The following ENPP2 variants were observed in gnomAD, a reference collection of about 807,000 sequenced individuals.
ENPP2 encodes the protein autotaxin.
In ENPP2, 51 loss-of-function variants were observed where a neutral mutation model predicts 120.2. The observed-to-expected ratio is 0.42, with a 90% CI of 0.34 to 0.54. The LOEUF is 0.54. ENPP2 is among the 20% of genes least tolerant of loss of function. The probability of loss-of-function intolerance (pLI) is 0.04; values close to 1 mark genes in which losing one functional copy is unlikely to be tolerated. For synonymous variants in ENPP2, 365 were observed against 366.4 expected (o/e 1.00, Z 0.04); for missense variants, 920 against 1,066.5 (o/e 0.86, Z 1.91).
At chr8:119,583,258 C>T (rs540119729) in intron 17 of ENPP2, among the ~76,000 whole-genome samples, 1 of 152,266 alleles carries the variant, frequency 6.6e-6, no homozygotes, top group African/African-American at 2.4e-5. Flanking sequence ...ACTGGCACTC[C>T]CTTACTAAAT....
At chr8:119,644,621 T>TACAC (rs1385686458) in intron 1 of ENPP2, among the ~76,000 whole-genome samples, 67 of 104,496 alleles carry the variant, frequency 6.4e-4, no homozygotes, top group Middle Eastern at 5.0e-3. Flanking sequence ...TATATATATA[T>TACAC]ATATACACAC....
rs979784466 is a variant in ENPP2 at position 119,557,410 on chromosome 8, C to T, written c.*111G>A. 3 of 866,258 alleles carry T rather than the reference C, an allele frequency of 3.5e-6. No individual in the cohort carries two copies. In the African/African-American group the frequency reaches 5.2e-5, roughly 15 times the overall value. 53.7% of individuals were successfully genotyped at this position (866,258 alleles called of 1,614,324 possible). A position where few individuals can be genotyped will look rare whatever the true frequency, so the allele number is the denominator to read the frequency against. On this transcript the variant is annotated 3_prime_UTR_variant, in exon 25 of 25. Coordinates refer to ENST00000075322, the MANE Select transcript of ENPP2 (RefSeq NM_001040092.3). ...CAGGCATAATATGTCAGATTTGGTA[C>T]AGGATTAAAATACTAACATTTTTAA...
In ENPP2 at chr8:119,617,229, G is replaced by A; in HGVS notation, c.592C>T (p.His198Tyr). The A allele has an allele frequency of 6.2e-7, 1 of 1,612,988 alleles. No homozygotes were observed. The highest frequency in any genetic ancestry group is 8.5e-7 in the Non-Finnish European group (1 of 1,178,970). ...NIEKLRSCGTHSPYMRPVYPT... is the reference protein window; with the variant it reads ...NIEKLRSCGTYSPYMRPVYPT... ...TACACCGGCCTCATGTAGGGAGAGT[G>A]TGTGCCACAAGACCCTGGAAAGAGA... The change falls in exon 7 of 25, where the codon CAC (histidine) becomes TAC (tyrosine). Residue 198 changes from histidine to tyrosine, a missense_variant. His to Tyr is a moderately conservative substitution (Grantham distance 83). Transcript: ENST00000075322.
rs376155180 is a variant in ENPP2 at position 119,618,065 on chromosome 8, T to C, written c.480-502A>G. ...AAAATACTCTGTCAGTCATTCATTA[T>C]CTGAATTCTTGTGTATGAGATCTGT... is the stretch of plus-strand genomic sequence containing the variant. On this transcript the variant is annotated intron_variant, in intron 5 of 24. Coordinates refer to ENST00000075322, the MANE Select transcript of ENPP2 (RefSeq NM_001040092.3). The C allele has an allele frequency of 4.2e-5, 11 of 259,046 alleles. No homozygotes were observed. The East Asian group carries it at 6.1e-4, about 14-fold the overall frequency. 16.0% of individuals were successfully genotyped at this position (259,046 alleles called of 1,614,324 possible).
At chr8:119,658,461 G>A (rs1817829446) in intron 1 of ENPP2, among the ~76,000 whole-genome samples, 1 of 152,194 alleles carries the variant, frequency 6.6e-6, no homozygotes, top group African/African-American at 2.4e-5. Context: ...GTAGAGAAGA[G>A]GTTTCACTGT....
chr8:119,646,998 CTTTT>C (rs528326819), intron 1 of ENPP2, among the ~76,000 whole-genome samples: 4 of 140,088 alleles, frequency 2.9e-5, no homozygotes, highest in African/African-American at 2.6e-5. Context: ...TAATCTCTCT[CTTTT>C]TTTTTTTTTT....
chr8:119,561,760 T>G (rs888881156), intron 24 of ENPP2, among the ~76,000 whole-genome samples: 16 of 152,030 alleles, frequency 1.1e-4, no homozygotes, highest in Admixed American at 3.9e-4. Flanking sequence ...TAGTAAGGTA[T>G]AGATTTCTTT....
chr8:119,560,200 A>T (rs1477863061), intron 24 of ENPP2, among the ~76,000 whole-genome samples: 1 of 152,212 alleles, frequency 6.6e-6, no homozygotes, highest in Admixed American at 6.5e-5. Flanking sequence ...TAGTCTTTTC[A>T]TCTTAGAACT....
chr8:119,643,042 T>C (rs1322456165), upstream of ENPP2, among the ~76,000 whole-genome samples: 4 of 152,240 alleles, frequency 2.6e-5, no homozygotes, highest in Non-Finnish European at 4.4e-5. Context: ...TTATGTATGA[T>C]GTTAGATAAT....
At chr8:119,644,625 T>TATAC (rs1327738777) in intron 1 of ENPP2, among the ~76,000 whole-genome samples, 40 of 74,292 alleles carry the variant, frequency 5.4e-4, no homozygotes, top group African/African-American at 1.8e-3. Context: ...TATATATATA[T>TATAC]ACACACACAC....
intron 1 of ENPP2, among the ~76,000 whole-genome samples, chr8:119,654,704 T>G (rs964484849): frequency 5.4e-4 from 82 of 151,962 alleles, no homozygotes; most frequent in African/African-American, 1.9e-3. Context: ...TTTTGTCTCA[T>G]GAAAGAGATA....
intron 3 of ENPP2, among the ~76,000 whole-genome samples, chr8:119,624,533 A>G (rs1189772032): frequency 2.0e-5 from 3 of 152,174 alleles, no homozygotes; most frequent in Admixed American, 6.5e-5. Context: ...CCAAAAATTT[A>G]TCTTAAGGAG....
chr8:119,669,743 T>C (rs998721718), intron 1 of ENPP2, among the ~76,000 whole-genome samples: 1 of 152,194 alleles, frequency 6.6e-6, no homozygotes, highest in Non-Finnish European at 1.5e-5. Flanking sequence ...CCTGCATTTT[T>C]TTCTGAGAAG....
intron 3 of ENPP2, among the ~76,000 whole-genome samples, chr8:119,625,471 G>C (rs951885351): frequency 2.0e-5 from 3 of 152,174 alleles, no homozygotes; most frequent in African/African-American, 7.2e-5. Context: ...TAAATCAAGA[G>C]CTACCACTTA....
rs116924938 is a variant in ENPP2, at chr8:119,637,637, T to C, written c.136+788A>G. Among the ~76,000 whole-genome samples, 661 of 152,290 alleles carry C rather than the reference T, an allele frequency of 4.3e-3. 4 individuals are homozygous for C. The highest frequency in any genetic ancestry group is 6.9e-3 in the Non-Finnish European group (466 of 68,020). The stretch of plus-strand genomic sequence containing the variant: ...AAATATTGTTCCCTAGAGTGCCCAT[T>C]ACTTAAAATGTAATTTTTTATTTCT... On this transcript the variant is annotated intron_variant, in intron 2 of 24. Transcript: ENST00000075322.
At chr8:119,605,382 T>A (rs1351560073) in intron 9 of ENPP2, among the ~76,000 whole-genome samples, 4 of 151,670 alleles carry the variant, frequency 2.6e-5, no homozygotes, top group African/African-American at 9.7e-5. Context: ...ATTTTAAATA[T>A]GTTAGCTCAT....
intron 19 of ENPP2, among the ~76,000 whole-genome samples, chr8:119,573,406 C>CT (rs200632454): frequency 1.6e-5 from 1 of 64,122 alleles, no homozygotes; most frequent in Admixed American, 1.7e-4. Flanking sequence ...GGCTCCGTCT[C>CT]TTAAAAAAAA....
chr8:119,596,194 G>C (rs529575037), intron 11 of ENPP2, among the ~76,000 whole-genome samples: 2 of 152,302 alleles, frequency 1.3e-5, no homozygotes, highest in South Asian at 4.1e-4. Context: ...AATTGATGTT[G>C]ATACTGTTGT....
chr8:119,569,742 C>CTGTGTGTG (rs55992622), intron 20 of ENPP2, among the ~76,000 whole-genome samples: 13,492 of 146,276 alleles, frequency 0.092, 669 homozygotes, highest in South Asian at 0.14. Flanking sequence ...GACTATTTAT[C>CTGTGTGTG]TGTGTGTGTG....
Sources: allele counts gnomAD v4.1 joint callset (sites outside exome capture counted in the v4.1 genomes callset), GRCh38; gene constraint gnomAD v4.1.1; transcripts MANE v1.5; gene names NCBI Gene and HGNC (gene_info 2026-07-23, HGNC 2026-07-21).